TRPM3: variants seen among roughly 807,000 people sequenced by gnomAD.
The protein encoded by TRPM3 is long transient receptor potential channel 3.
Under a neutral mutation model 181.2 loss-of-function variants are expected in TRPM3, and 77 were observed. That is an observed-to-expected ratio of 0.42 (90% CI 0.35 to 0.51). The LOEUF (loss-of-function observed/expected upper bound fraction) is 0.51, where lower values mean the gene tolerates loss of function less well. TRPM3 is among the 20% of genes least tolerant of loss of function. The pLI is 0.01. For missense variants in TRPM3, 1,759 were observed against 2,196.7 expected (o/e 0.80, Z 3.98); for synonymous variants, 745 against 796.4 (o/e 0.94, Z 1.09).
At chr9:70,894,888 A>T (rs564424710) in intron 1 of TRPM3, among the ~76,000 whole-genome samples, 1 of 152,278 alleles carries the variant, frequency 6.6e-6, no homozygotes, top group East Asian at 1.9e-4. Flanking sequence ...GCGGTGCTGA[A>T]GCCCTACTGC....
At chr9:71,376,316 G>T (rs1254945172) in intron 1 of TRPM3, among the ~76,000 whole-genome samples, 1 of 151,818 alleles carries the variant, frequency 6.6e-6, no homozygotes, top group Non-Finnish European at 1.5e-5. Context: ...GAATTTTAAG[G>T]CAAATTCTTG....
intron 1 of TRPM3, among the ~76,000 whole-genome samples, chr9:70,964,183 A>G (rs980587737): frequency 6.6e-6 from 1 of 152,110 alleles, no homozygotes; most frequent in Non-Finnish European, 1.5e-5. Context: ...TATGATTAAG[A>G]TATATTTTCT....
chr9:70,805,452 T>C (rs1176380813), intron 6 of TRPM3, among the ~76,000 whole-genome samples: 2 of 144,454 alleles, frequency 1.4e-5, no homozygotes, highest in African/African-American at 5.1e-5. Context: ...GAGAATGGCG[T>C]GAACCCGGGA....
At chr9:70,991,331 CCAAA>C (rs1158112409) in intron 1 of TRPM3, among the ~76,000 whole-genome samples, 9 of 152,136 alleles carry the variant, frequency 5.9e-5, no homozygotes, top group Admixed American at 1.3e-4. Context: ...GACTTTGTCA[CCAAA>C]CAAAATCAGA....
At chr9:70,832,753 G>A (rs149812696) in intron 5 of TRPM3, among the ~76,000 whole-genome samples, 58 of 152,290 alleles carry the variant, frequency 3.8e-4, no homozygotes, top group Non-Finnish European at 6.2e-4. Flanking sequence ...AACTGCTTGA[G>A]TTTTCCTAGC....
intron 1 of TRPM3, among the ~76,000 whole-genome samples, chr9:71,296,407 A>G (rs2086262110): frequency 6.6e-6 from 1 of 152,150 alleles, no homozygotes. Context: ...TTTCCTCTCT[A>G]AGAATGTAAC....
intron 1 of TRPM3, among the ~76,000 whole-genome samples, chr9:71,171,446 T>C (rs2076852511): frequency 6.6e-6 from 1 of 152,168 alleles, no homozygotes; most frequent in African/African-American, 2.4e-5. Context: ...AACACCCGGC[T>C]TTAAAATTTC....
At chr9:70,672,701 TTTTC>T (rs1219026706) in intron 9 of TRPM3, among the ~76,000 whole-genome samples, 4 of 152,128 alleles carry the variant, frequency 2.6e-5, no homozygotes, top group African/African-American at 9.7e-5. Context: ...AAAATATTGG[TTTTC>T]TTTTTTTTTC....
intron 1 of TRPM3, among the ~76,000 whole-genome samples, chr9:71,372,662 G>A (rs753732341): frequency 2.0e-5 from 3 of 152,148 alleles, no homozygotes; most frequent in Non-Finnish European, 2.9e-5. Flanking sequence ...CTTTTGAGAA[G>A]AGTCTGTTCA....
intron 1 of TRPM3, among the ~76,000 whole-genome samples, chr9:71,347,075 A>G (rs2091342922): frequency 6.6e-6 from 1 of 152,236 alleles, no homozygotes; most frequent in African/African-American, 2.4e-5. Flanking sequence ...TGTGCTGACT[A>G]TATATTCTGC....
At chr9:71,221,483 T>C (rs1565355912) in intron 1 of TRPM3, among the ~76,000 whole-genome samples, 1 of 152,222 alleles carries the variant, frequency 6.6e-6, no homozygotes, top group Non-Finnish European at 1.5e-5. Context: ...AGCAATTTTA[T>C]GTTTTTTAAA....
chr9:70,586,699 G>A (rs2057194087), intron 22 of TRPM3, among the ~76,000 whole-genome samples: 1 of 152,184 alleles, frequency 6.6e-6, no homozygotes, highest in Non-Finnish European at 1.5e-5. Context: ...ATTAGAGAAG[G>A]TCAGTTCAGA....
At chr9:71,015,949 C>T (rs1046212849) in intron 1 of TRPM3, among the ~76,000 whole-genome samples, 8 of 151,898 alleles carry the variant, frequency 5.3e-5, no homozygotes, top group African/African-American at 1.7e-4. Context: ...GTAATCCCAG[C>T]ACTTTGGGAG....
chr9:71,086,348 AAAAG>A (rs770947089), intron 1 of TRPM3, among the ~76,000 whole-genome samples: 9 of 151,986 alleles, frequency 5.9e-5, no homozygotes, highest in Non-Finnish European at 1.0e-4. Context: ...GAGTTGAAAA[AAAAG>A]AAAGAATTTT....
chr9:71,024,227 G>T (rs1169830552), intron 1 of TRPM3, among the ~76,000 whole-genome samples: 2 of 152,146 alleles, frequency 1.3e-5, no homozygotes, highest in Non-Finnish European at 2.9e-5. Context: ...AAATTTGAGA[G>T]AAAAGATGTG....
intron 8 of TRPM3, among the ~76,000 whole-genome samples, chr9:70,757,767 T>C (rs766298662): frequency 6.6e-6 from 1 of 152,266 alleles, no homozygotes; most frequent in African/African-American, 2.4e-5. Context: ...AGGGCTTTGA[T>C]AAAATTTAAC....
At chr9:71,010,031 C>T (rs1344622601) in intron 1 of TRPM3, among the ~76,000 whole-genome samples, 1 of 152,060 alleles carries the variant, frequency 6.6e-6, no homozygotes, top group South Asian at 2.1e-4. Flanking sequence ...TATCCACATG[C>T]AGAAGAATTA....
intron 6 of TRPM3, among the ~76,000 whole-genome samples, chr9:70,793,328 T>C (rs896049501): frequency 1.3e-5 from 2 of 151,718 alleles, no homozygotes; most frequent in African/African-American, 4.8e-5. Context: ...TTGATGCATG[T>C]GCCTGTAGTC....
At chr9:70,700,931 C>T (rs2072334280) in intron 8 of TRPM3, among the ~76,000 whole-genome samples, 1 of 152,208 alleles carries the variant, frequency 6.6e-6, no homozygotes, top group Admixed American at 6.5e-5. Flanking sequence ...TTGTCCATTT[C>T]CCCAGCAATG....
Sources: allele counts gnomAD v4.1 joint callset (sites outside exome capture counted in the v4.1 genomes callset), GRCh38; gene constraint gnomAD v4.1.1; transcripts MANE v1.5; gene names NCBI Gene and HGNC (gene_info 2026-07-23, HGNC 2026-07-21).